Variants in PPP1R37 observed in about 807,000 individuals in gnomAD.
The protein encoded by PPP1R37 is protein phosphatase 1 regulatory subunit 37.
Under a neutral mutation model 61.0 loss-of-function variants are expected in PPP1R37, and 21 were observed. The observed-to-expected ratio is 0.34, with a 90% CI of 0.24 to 0.50. PPP1R37 has a LOEUF of 0.50. Ranked by LOEUF, PPP1R37 falls within the 20% of genes least tolerant of loss-of-function variation. The pLI, the probability that PPP1R37 is intolerant of heterozygous loss-of-function variation, is 0.98. For synonymous variants in PPP1R37, 443 were observed against 433.5 expected (o/e 1.02, Z -0.27); for missense variants, 910 against 952.7 (o/e 0.96, Z 0.59).
At chr19:45,104,456 G>A (rs1968104264) in intron 1 of PPP1R37, among the ~76,000 whole-genome samples, 2 of 152,146 alleles carry the variant, frequency 1.3e-5, no homozygotes, top group Admixed American at 6.5e-5. Flanking sequence ...TGGGGTGTGG[G>A]GAAGGAAGAT....
intron 1 of PPP1R37, among the ~76,000 whole-genome samples, chr19:45,138,157 CATG>C (rs1005098993): frequency 2.0e-5 from 3 of 152,164 alleles, no homozygotes; most frequent in African/African-American, 7.2e-5. Context: ...GTGTTGGAGA[CATG>C]GTGGTGACCA....
rs1188840115 is a variant in PPP1R37 at position 45,130,389 on chromosome 19, G to A, written c.203-8125G>A. On this transcript the variant is annotated intron_variant, in intron 1 of 12. Coordinates refer to ENST00000221462, the MANE Select transcript of PPP1R37 (RefSeq NM_019121.2). The surrounding 1 kb of genome is among the most constrained non-coding windows in gnomAD (Gnocchi z 4.4). ...GAGCGAAGTCCTCACCAGGGTCCACGGGGTCACCGTCCCACATCATCCCCA... is the reference window on the plus strand; with the variant it reads ...GAGCGAAGTCCTCACCAGGGTCCACAGGGTCACCGTCCCACATCATCCCCA... 6.6e-6 allele frequency among the ~76,000 whole-genome samples: 1 copy of A among 152,126 alleles called. No individual in the cohort carries two copies. The highest frequency in any genetic ancestry group is 1.5e-5 in the Non-Finnish European group (1 of 68,000).
intron 7 of PPP1R37, chr19:45,142,708 A>C: frequency 3.7e-6 from 2 of 534,170 alleles, no homozygotes; most frequent in Non-Finnish European, 3.3e-6. Flanking sequence ...AGGAGGAGAC[A>C]GCTCAGCTGA....
At chr19:45,102,357 A>C (rs1968075009) in intron 1 of PPP1R37, among the ~76,000 whole-genome samples, 2 of 152,236 alleles carry the variant, frequency 1.3e-5, no homozygotes, top group South Asian at 4.1e-4. Context: ...GAGAGGCAGC[A>C]CGGGAGCCCC....
At chr19:45,094,593 G>T (rs906409320) in intron 1 of PPP1R37, among the ~76,000 whole-genome samples, 1 of 152,182 alleles carries the variant, frequency 6.6e-6, no homozygotes, top group African/African-American at 2.4e-5. Flanking sequence ...CGGGCATAGT[G>T]GTGCACACCT....
chr19:45,142,194 G>A lies in PPP1R37; in HGVS notation c.701G>A (p.Arg234Gln), dbSNP rs987040981. Residue 234 changes from arginine (R) to glutamine (Q), a missense_variant, in exon 6 of 13, where the codon CGG (arginine) becomes CAG (glutamine). By Grantham distance (43) the Arg-to-Gln change is conservative (BLOSUM62 1). Around this residue, in one of 3 missense-constraint regions of PPP1R37, gnomAD observed 280 missense variants for 382.2 expected, o/e 0.73. Coordinates refer to ENST00000221462, the MANE Select transcript of PPP1R37 (RefSeq NM_019121.2). ...TTGGAGAACGCCAGCCTGTCGGGGC[G>A]GCCCCTCATGCTGCTCGGTGAGCCC... ...LHLENASLSG[R>Q]PLMLLATALK... The A allele has an allele frequency of 1.6e-4, 239 of 1,534,682 alleles. No homozygotes were observed. Among genetic ancestry groups the A allele is most frequent in the Admixed American group, 3.3e-4 (17 of 50,912 alleles).
intron 1 of PPP1R37, among the ~76,000 whole-genome samples, chr19:45,128,387 C>T (rs1968435047): frequency 6.6e-6 from 1 of 152,232 alleles, no homozygotes. Context: ...GTAGTTGCTG[C>T]AGAGCCTAGT....
At chr19:45,101,924 C>G (rs1345710749) in intron 1 of PPP1R37, among the ~76,000 whole-genome samples, 22 of 152,228 alleles carry the variant, frequency 1.4e-4, no homozygotes, top group Non-Finnish European at 2.9e-5. Context: ...GTCCTCCCCT[C>G]CACCAGCAGG....
rs944491060 is a variant in PPP1R37, at chr19:45,145,958, C to T, written c.1902C>T (p.Pro634=). The change falls in exon 11 of 13, where the codon CCC becomes CCT. Residue 634 remains proline (P), a synonymous_variant. Coordinates refer to ENST00000221462, the MANE Select transcript of PPP1R37 (RefSeq NM_019121.2). The stretch of plus-strand genomic sequence containing the variant: ...CGCCTCGGTCAGGGCCACCACTGCC[C>T]AACGGCCTGAAGCCCGAGTTCGCCC... ...PEPPRSGPPL[P]NGLKPEFALA... 2 of 1,534,570 alleles carry T rather than the reference C, an allele frequency of 1.3e-6. No individual in the cohort carries two copies. Among genetic ancestry groups the T allele is most frequent in the African/African-American group, 1.4e-5 (1 of 72,984 alleles).
chr19:45,137,299 C>G (rs1375997011), intron 1 of PPP1R37, among the ~76,000 whole-genome samples: 1 of 152,218 alleles, frequency 6.6e-6, no homozygotes, highest in Middle Eastern at 3.2e-3. Context: ...CGCAGCACAT[C>G]CTATAATTAC....
At chr19:45,109,294 C>T (rs1311701064) in intron 1 of PPP1R37, among the ~76,000 whole-genome samples, 2 of 152,126 alleles carry the variant, frequency 1.3e-5, no homozygotes, top group Non-Finnish European at 2.9e-5. Flanking sequence ...GCTATTTCAC[C>T]GAGTCATCAT....
Position 45,140,567 on chromosome 19 carries a change from C to A in PPP1R37, c.408C>A (p.Phe136Leu), listed in dbSNP as rs1402360325. 1 of 1,535,966 alleles carries A rather than the reference C, an allele frequency of 6.5e-7. No homozygotes were observed. Among genetic ancestry groups the A allele is most frequent in the Non-Finnish European group, 8.7e-7 (1 of 1,146,888 alleles). ...AAGAGGTCTTCAAGAGGCTGCAGTT[C>A]AAGGTCGTGGACCTGGAGCAGACAA... ...ALEEVFKRLQ[F>L]KVVDLEQTNL... Residue 136 changes from phenylalanine to leucine, a missense_variant, in exon 4 of 13, where the codon TTC becomes TTA. By Grantham distance (22) the Phe-to-Leu change is conservative. Around this residue, in one of 3 missense-constraint regions of PPP1R37, gnomAD observed 280 missense variants for 382.2 expected, o/e 0.73. Transcript: ENST00000221462.
In PPP1R37 at chr19:45,141,195, C is replaced by T. The variant is rs189174128; in HGVS notation, c.448-127C>T. 3.0e-5 allele frequency: 32 copies of T among 1,049,206 alleles called. No homozygotes were observed. The East Asian group carries it at 7.4e-4, about 24-fold the overall frequency. 65.0% of individuals were successfully genotyped at this position (1,049,206 alleles called of 1,614,324 possible). ...ACGGGGCCCTGTCTGTGCTTGTCCT[C>T]CTCTCCCGTGTGGCTCTCTCCAGAC... On this transcript the variant is annotated intron_variant, in intron 4 of 12. Coordinates refer to ENST00000221462, the MANE Select transcript of PPP1R37 (RefSeq NM_019121.2).
rs1568452576 is a variant in PPP1R37 at position 45,145,741 on chromosome 19, CGGGCCG to C, written c.1691_1696del (p.Arg564_Gly565del). 2.0e-6 allele frequency: 3 copies of C among 1,529,548 alleles called. No homozygotes were observed. The East Asian group carries it at 7.3e-5, about 37-fold the overall frequency. 94.7% of individuals were successfully genotyped at this position (1,529,548 alleles called of 1,614,324 possible). On this transcript the variant is annotated inframe_deletion, in exon 11 of 13. Transcript: ENST00000221462. ...GAGCAGCGGATTTCCGTGTCCAGCC[CGGGCCG>C]GGGCCACAAGGTGTTTGTGGTGACC...
At chr19:45,106,493 C>T (rs988847707) in intron 1 of PPP1R37, among the ~76,000 whole-genome samples, 5 of 152,142 alleles carry the variant, frequency 3.3e-5, no homozygotes, top group Admixed American at 1.3e-4. Context: ...ATCCACCCGC[C>T]TCGGCCTCCC....
chr19:45,110,375 G>A (rs1599693718), intron 1 of PPP1R37, among the ~76,000 whole-genome samples: 1 of 151,854 alleles, frequency 6.6e-6, no homozygotes, highest in South Asian at 2.1e-4. Context: ...CTTGGCCTCC[G>A]AGAGTGCTGG....
chr19:45,101,940 C>T lies in PPP1R37; in HGVS notation c.202+8413C>T, dbSNP rs192858962. On this transcript the variant is annotated intron_variant, in intron 1 of 12. Coordinates refer to ENST00000221462, the MANE Select transcript of PPP1R37 (RefSeq NM_019121.2). ...TCCTCCCCTCCACCAGCAGGTTTGC[C>T]GATGCCACTGTTTCCCATAGCACCT... Among the ~76,000 whole-genome samples the T allele has an allele frequency of 1.2e-3, 180 of 152,338 alleles. 3 individuals carry two copies. Among genetic ancestry groups the T allele is most frequent in the African/African-American group, 3.5e-3 (147 of 41,574 alleles).
intron 1 of PPP1R37, among the ~76,000 whole-genome samples, chr19:45,113,416 C>T (rs973048106): frequency 2.6e-5 from 4 of 152,190 alleles, no homozygotes; most frequent in Non-Finnish European, 5.9e-5. Context: ...CCATATCCCA[C>T]GAGGTAGGTG....
chr19:45,128,729 C>A, intron 1 of PPP1R37: 2 of 816,294 alleles, frequency 2.5e-6, no homozygotes, highest in Non-Finnish European at 4.0e-6. Flanking sequence ...ACAGCCGCGT[C>A]AAGGTCCACC....
Sources: gnomAD v4.1 joint callset for allele counts (sites outside exome capture counted in the v4.1 genomes callset) on GRCh38, gnomAD v4.1.1 for gene constraint, gnomAD v4.1.1 regional missense constraint, Gnocchi (gnomAD v3.1) non-coding constraint, MANE v1.5 for transcripts, NCBI Gene and HGNC (gene_info 2026-07-23, HGNC 2026-07-21) for gene names.